Variants in ARL15 observed in about 807,000 individuals in gnomAD.
ARL15 encodes the protein ADP-ribosylation factor-like protein 15.
Under a neutral mutation model 25.2 loss-of-function variants are expected in ARL15, and 19 were observed. The observed-to-expected ratio is 0.75, with a 90% CI of 0.53 to 1.10. The LOEUF is 1.10. Ranked by LOEUF, ARL15 falls within the 50% of genes least tolerant of loss-of-function variation. The pLI, the probability that ARL15 is intolerant of heterozygous loss-of-function variation, is 0.00. For missense variants in ARL15, 220 were observed against 246.0 expected (o/e 0.89, Z 0.71); for synonymous variants, 94 against 86.8 (o/e 1.08, Z -0.46).
At chr5:54,067,164 T>C (rs1751263295) in intron 4 of ARL15, 1 of 152,674 alleles carries the variant, frequency 6.5e-6, no homozygotes, top group Non-Finnish European at 1.5e-5. Flanking sequence ...CTCACTCCTT[T>C]GAGCAAGTAG....
intron 1 of ARL15, among the ~76,000 whole-genome samples, chr5:54,222,988 T>C: frequency 6.7e-6 from 1 of 149,330 alleles, no homozygotes; most frequent in South Asian, 2.1e-4. Context: ...CCTGGATTTT[T>C]TTTTTTTTTT....
rs117435497 is a variant in ARL15, at chr5:54,139,372, G to A, written c.253+15208C>T. Among the ~76,000 whole-genome samples the A allele has an allele frequency of 6.6e-5, 10 of 152,222 alleles. No individual in the cohort carries two copies. The East Asian group carries it at 1.4e-3, about 21-fold the overall frequency. ...AATAATGACTTTTGCAGCAACTTGC[G>A]TGAAGCTAGAGGTCATTATTCTAAG... On this transcript the variant is annotated intron_variant, in intron 3 of 4. Transcript: ENST00000504924.
In ARL15 at chr5:54,251,141, C is replaced by CG. The variant is rs566996072; in HGVS notation, c.48+59290_48+59291insC. Among the ~76,000 whole-genome samples the CG allele has an allele frequency of 3.6e-3, 545 of 152,208 alleles. 3 individuals are homozygous for CG. The highest frequency in any genetic ancestry group is 0.013 in the African/African-American group (528 of 41,534). On this transcript the variant is annotated intron_variant, in intron 1 of 4. Transcript: ENST00000504924. ...AAGTGATTCACTTGAAAGCCCCTCCCCTAATTCAGGTAAGAAGGAAGAAGA... is the reference window on the plus strand; with the variant it reads ...AAGTGATTCACTTGAAAGCCCCTCCCGCTAATTCAGGTAAGAAGGAAGAAGA...
intron 4 of ARL15, among the ~76,000 whole-genome samples, chr5:53,951,257 G>C (rs1170838433): frequency 1.3e-5 from 2 of 152,268 alleles, no homozygotes; most frequent in Admixed American, 1.3e-4. Flanking sequence ...TTAGAGAAAA[G>C]GTTTGCAGAC....
chr5:53,998,792 C>T (rs1052285919), intron 4 of ARL15, among the ~76,000 whole-genome samples: 1 of 152,110 alleles, frequency 6.6e-6, no homozygotes, highest in African/African-American at 2.4e-5. Flanking sequence ...CTGGTCCCTG[C>T]TTATGGTCTA....
rs1339791692 is a variant in ARL15 at position 53,884,214 on chromosome 5, C to T, written c.*2347G>A. On this transcript the variant is annotated 3_prime_UTR_variant, in exon 5 of 5. Coordinates refer to ENST00000504924, the MANE Select transcript of ARL15 (RefSeq NM_019087.3). ...GCTAAGAAGGTACAAAAACTGGAAACGTCCATAAATATTACAAGAAGCTAG... is the reference window on the plus strand; with the variant it reads ...GCTAAGAAGGTACAAAAACTGGAAATGTCCATAAATATTACAAGAAGCTAG... The T allele has an allele frequency of 6.6e-6, 1 of 152,158 alleles. No homozygotes were observed. The highest frequency in any genetic ancestry group is 1.5e-5 in the Non-Finnish European group (1 of 68,034). 9.4% of individuals were successfully genotyped at this position (152,158 alleles called of 1,614,324 possible). A position where few individuals can be genotyped will look rare whatever the true frequency, so the allele number is the denominator to read the frequency against.
intron 3 of ARL15, among the ~76,000 whole-genome samples, chr5:54,153,907 C>G (rs1439779969): frequency 2.0e-5 from 3 of 152,178 alleles, no homozygotes; most frequent in Non-Finnish European, 4.4e-5. Flanking sequence ...AGTCATTAAA[C>G]TCACCGATAT....
At chr5:54,018,637 A>G (rs1019031860) in intron 4 of ARL15, among the ~76,000 whole-genome samples, 1 of 152,202 alleles carries the variant, frequency 6.6e-6, no homozygotes, top group Non-Finnish European at 1.5e-5. Context: ...TAGGTATTTC[A>G]CCATGCTGCT....
At chr5:54,124,409 C>T (rs1322823104) in intron 3 of ARL15, among the ~76,000 whole-genome samples, 1 of 152,108 alleles carries the variant, frequency 6.6e-6, no homozygotes, top group Non-Finnish European at 1.5e-5. Flanking sequence ...AGGCTTGCTG[C>T]TGTTCTGAAT....
At position 54,042,965 on chromosome 5, in the gene ARL15, G is replaced by A. The variant is rs142462338; in HGVS notation, c.462+70237C>T. On this transcript the variant is annotated intron_variant, in intron 4 of 4. Coordinates refer to ENST00000504924, the MANE Select transcript of ARL15 (RefSeq NM_019087.3). ...ATATATAGGTTCATGTTTTTAAAAC[G>A]GCTTAGCTTTAGAAAACCACTGCTT... Among the ~76,000 whole-genome samples, 430 of 152,032 alleles carry A rather than the reference G, an allele frequency of 2.8e-3. 2 individuals are homozygous for A. Among genetic ancestry groups the A allele is most frequent in the African/African-American group, 9.9e-3 (412 of 41,460 alleles).
chr5:54,149,289 T>G (rs1041648936), intron 3 of ARL15, among the ~76,000 whole-genome samples: 2 of 152,140 alleles, frequency 1.3e-5, no homozygotes, highest in Non-Finnish European at 2.9e-5. Flanking sequence ...GCCAAAACTA[T>G]GCTAGGTAGC....
At position 54,122,446 on chromosome 5, in the gene ARL15, G is replaced by A. The variant is rs528997603; in HGVS notation, c.254-9036C>T. 1.8e-4 allele frequency among the ~76,000 whole-genome samples: 27 copies of A among 152,366 alleles called. 1 individual carries two copies. In the East Asian group the frequency reaches 2.3e-3, roughly 13 times the overall value. On this transcript the variant is annotated intron_variant, in intron 3 of 4. Transcript: ENST00000504924. ...GCACGTGCATGCGTGCGCAATGTGC[G>A]TGTATACGCATACCTTTGAGAGATG...
chr5:54,170,009 T>G (rs1283056267), intron 2 of ARL15, among the ~76,000 whole-genome samples: 2 of 152,186 alleles, frequency 1.3e-5, no homozygotes. Context: ...AAACCTGCAC[T>G]TTTTTAAAAC....
intron 1 of ARL15, among the ~76,000 whole-genome samples, chr5:54,274,395 A>T (rs1757870238): frequency 6.6e-6 from 1 of 152,184 alleles, no homozygotes; most frequent in Non-Finnish European, 1.5e-5. Context: ...ATTTCAAAAC[A>T]TGATAAAGAA....
rs1411834269 is a variant in ARL15 at position 54,211,752 on chromosome 5, A to G, written c.49-39824T>C. Among the ~76,000 whole-genome samples the G allele has an allele frequency of 5.3e-5, 8 of 152,098 alleles. No individual in the cohort carries two copies. The East Asian group carries it at 1.5e-3, about 29-fold the overall frequency. Reference sequence around the variant, plus strand: ...CTCCCAAAGTGCTGGGATTACAGGCACGAGCCACCGTGACCGGCCAAATGA... The same window carrying G: ...CTCCCAAAGTGCTGGGATTACAGGCGCGAGCCACCGTGACCGGCCAAATGA... On this transcript the variant is annotated intron_variant, in intron 1 of 4. Coordinates refer to ENST00000504924, the MANE Select transcript of ARL15 (RefSeq NM_019087.3).
At chr5:54,290,465 G>A (rs1024667917) in intron 1 of ARL15, among the ~76,000 whole-genome samples, 4 of 151,770 alleles carry the variant, frequency 2.6e-5, no homozygotes, top group Admixed American at 6.6e-5. Flanking sequence ...GTGCCACCAC[G>A]TCCAGCTAAT....
chr5:54,273,530 C>T (rs1313976758), intron 1 of ARL15, among the ~76,000 whole-genome samples: 2 of 152,088 alleles, frequency 1.3e-5, no homozygotes, highest in Non-Finnish European at 2.9e-5. Flanking sequence ...AGATTAAATT[C>T]AATAAATTCA....
intron 1 of ARL15, among the ~76,000 whole-genome samples, chr5:54,200,929 C>T (rs566712601): frequency 1.9e-4 from 29 of 152,292 alleles, no homozygotes; most frequent in African/African-American, 7.0e-4. Context: ...AAAAAGCCTA[C>T]CTTCTCAACT....
intron 1 of ARL15, among the ~76,000 whole-genome samples, chr5:54,195,433 A>T (rs1755523665): frequency 6.6e-6 from 1 of 152,204 alleles, no homozygotes; most frequent in African/African-American, 2.4e-5. Flanking sequence ...CAGTCATTTC[A>T]CAAACTAGAG....
Sources: allele counts gnomAD v4.1 joint callset (sites outside exome capture counted in the v4.1 genomes callset), GRCh38; gene constraint gnomAD v4.1.1; transcripts MANE v1.5; gene names NCBI Gene and HGNC (gene_info 2026-07-23, HGNC 2026-07-21).